The following PFKFB1 variants were observed in gnomAD, a reference collection of about 807,000 sequenced individuals.
PFKFB1 encodes the protein 6-phosphofructo-2-kinase/fructose-2,6-bisphosphatase 1.
Under a neutral mutation model 46.4 loss-of-function variants are expected in PFKFB1, and 34 were observed. The ratio of observed to expected loss-of-function variants is 0.73; its 90% CI spans 0.56 to 0.98. PFKFB1 has a LOEUF of 0.98. PFKFB1 is among the 50% of genes least tolerant of loss of function. PFKFB1 has a pLI of 0.00. For synonymous variants in PFKFB1, 119 were observed against 133.8 expected, an observed-to-expected ratio of 0.89 and a Z score of 0.76; for missense variants, 393 against 376.3, an observed-to-expected ratio of 1.04 and a Z score of -0.37.
chrX:54,980,701 A>G (rs1443820399), intron 1 of PFKFB1, among the ~76,000 whole-genome samples: 2 of 89,889 alleles, frequency 2.2e-5, no homozygotes, highest in African/African-American at 8.6e-5. Flanking sequence ...TGTAGGAAGA[A>G]AAAAAGCCAA....
In PFKFB1 at chrX:54,943,756, AT is replaced by A. The variant is rs1348597645; in HGVS notation, c.1098+1682del. Among the ~76,000 whole-genome samples the A allele has an allele frequency of 1.8e-5, 2 of 109,817 alleles. 1 individual carries two copies. Among genetic ancestry groups the A allele is most frequent in the Non-Finnish European group, 3.8e-5 (2 of 52,647 alleles). On this transcript the variant is annotated intron_variant, in intron 10 of 13. Coordinates refer to ENST00000375006, the MANE Select transcript of PFKFB1 (RefSeq NM_002625.4). Reference sequence around the variant, plus strand: ...AAAGAGCGAGACTCCGTCTCAAAAAATAAATAAATAAATAAATAAATAAAAT... The same window carrying A: ...AAAGAGCGAGACTCCGTCTCAAAAAAAAATAAATAAATAAATAAATAAAAT...
intron 1 of PFKFB1, among the ~76,000 whole-genome samples, chrX:54,971,184 G>A (rs1361338123): frequency 0.014 from 780 of 54,625 alleles, 24 homozygotes; most frequent in African/African-American, 0.055. Flanking sequence ...TGATGGGGTT[G>A]TTTGTTTTTT....
intron 1 of PFKFB1, among the ~76,000 whole-genome samples, chrX:54,977,570 T>C (rs762842479): frequency 9.0e-6 from 1 of 111,570 alleles, no homozygotes; most frequent in East Asian, 2.8e-4. Flanking sequence ...TTAACTCATG[T>C]TTATTTTTAA....
chrX:54,945,282 C>A (rs112172461), intron 10 of PFKFB1, among the ~76,000 whole-genome samples, 157 bp downstream of exon 10: 4,325 of 111,940 alleles, frequency 0.039, 225 homozygotes, highest in African/African-American at 0.13. Flanking sequence ...TCTAAAACAA[C>A]CAAGGGCCAG....
At chrX:54,949,483 G>A (rs937805545) in intron 8 of PFKFB1, among the ~76,000 whole-genome samples, 3 of 110,031 alleles carry the variant, frequency 2.7e-5, no homozygotes, top group African/African-American at 1.0e-4. Context: ...GCTCACCGAA[G>A]CCCCTACTTG....
rs1023176093 is a variant in PFKFB1, at chrX:54,933,082, G to A, written c.*321C>T. On this transcript the variant is annotated 3_prime_UTR_variant, in exon 14 of 14. Transcript: ENST00000375006. ...TCCTCACCCATTCCATGCCCTCACAGCAGCAGAGCTGGGTCAGGATTAGGG... is the reference window on the plus strand; with the variant it reads ...TCCTCACCCATTCCATGCCCTCACAACAGCAGAGCTGGGTCAGGATTAGGG... 4.2e-6 allele frequency: 1 copy of A among 239,482 alleles called. No individual in the cohort carries two copies. The highest frequency in any genetic ancestry group is 7.5e-6 in the Non-Finnish European group (1 of 134,215). The allele number at this position is 239,482 out of a possible 1,213,427, so 19.7% of individuals were successfully genotyped here.
In PFKFB1 at chrX:54,933,076, C is replaced by T. The variant is rs1175129298; in HGVS notation, c.*327G>A. The T allele has an allele frequency of 4.4e-6, 1 of 229,827 alleles. No homozygotes were observed. The highest frequency in any genetic ancestry group is 7.8e-6 in the Non-Finnish European group (1 of 128,952). 18.9% of individuals were successfully genotyped at this position (229,827 alleles called of 1,213,427 possible). On this transcript the variant is annotated 3_prime_UTR_variant, in exon 14 of 14. Transcript: ENST00000375006. ...AGGAAATCCTCACCCATTCCATGCCCTCACAGCAGCAGAGCTGGGTCAGGA... is the reference window on the plus strand; with the variant it reads ...AGGAAATCCTCACCCATTCCATGCCTTCACAGCAGCAGAGCTGGGTCAGGA...
At chrX:54,949,730 G>A (rs1427381039) in intron 8 of PFKFB1, among the ~76,000 whole-genome samples, 1 of 112,319 alleles carries the variant, frequency 8.9e-6, no homozygotes, top group African/African-American at 3.2e-5. Flanking sequence ...GTGTGATATG[G>A]CCTGACCTCA....
chrX:54,953,025 C>A (rs1020890787), intron 7 of PFKFB1, among the ~76,000 whole-genome samples: 1 of 111,591 alleles, frequency 9.0e-6, no homozygotes, highest in Non-Finnish European at 1.9e-5. Context: ...ACTGTTCAAC[C>A]ACCTGTTTGT....
intron 1 of PFKFB1, among the ~76,000 whole-genome samples, chrX:54,976,981 GAGGTCTGAAGGGTTGACT>G (rs1057247610): frequency 9.0e-6 from 1 of 110,646 alleles, no homozygotes; most frequent in Non-Finnish European, 1.9e-5. Context: ...GGGGTTGGGG[GAGGTCTGAAGGGTTGACT>G]ATAATGGGCT....
chrX:54,938,856 C>A (rs1467059749), intron 10 of PFKFB1, among the ~76,000 whole-genome samples: 1 of 111,248 alleles, frequency 9.0e-6, no homozygotes, highest in Non-Finnish European at 1.9e-5. Flanking sequence ...ACAAGGATAT[C>A]CAGGAATTGA....
At chrX:54,968,704 A>G (rs1934549314) in intron 1 of PFKFB1, among the ~76,000 whole-genome samples, 1 of 111,405 alleles carries the variant, frequency 9.0e-6, no homozygotes, top group South Asian at 3.7e-4. Flanking sequence ...AAATCCTTCT[A>G]TAAATATTAC....
chrX:54,970,402 A>C (rs1046820136), intron 1 of PFKFB1, among the ~76,000 whole-genome samples: 1 of 106,337 alleles, frequency 9.4e-6, no homozygotes, highest in African/African-American at 3.4e-5. Context: ...TTAGTTACAT[A>C]TGTATACATG....
upstream of PFKFB1, among the ~76,000 whole-genome samples, chrX:54,997,761 C>T (rs1447553898): frequency 8.9e-6 from 1 of 111,987 alleles, no homozygotes; most frequent in East Asian, 2.8e-4. Flanking sequence ...CCACTATTTT[C>T]GGCCTCATGC....
intron 2 of PFKFB1, among the ~76,000 whole-genome samples, 155 bp downstream of exon 2, chrX:54,963,102 A>G (rs746174499): frequency 1.8e-5 from 2 of 112,198 alleles, no homozygotes; most frequent in African/African-American, 3.2e-5. Flanking sequence ...TATAAAATGT[A>G]TAAGAATGTA....
chrX:54,992,022 T>G (rs905783259), intron 1 of PFKFB1, among the ~76,000 whole-genome samples: 4 of 111,791 alleles, frequency 3.6e-5, no homozygotes, highest in Non-Finnish European at 7.5e-5. Flanking sequence ...TAGCAAGAAG[T>G]GAACCAGACA....
chrX:54,959,851 G>A lies in PFKFB1; in HGVS notation c.360C>T (p.Leu120=). 1 of 1,207,729 alleles carries A rather than the reference G, an allele frequency of 8.3e-7. No individual in the cohort carries two copies. Among genetic ancestry groups the A allele is most frequent in the South Asian group, 1.8e-5 (1 of 56,617 alleles). ...LAALKDVHNY[L]SHEEGHVAVF... ...CCGCAACATGACCTTCCTCATGGCT[G>A]AGATAGTTGTGAACATCCTTCAGGG... Residue 120 remains leucine, a synonymous_variant, in exon 4 of 14, where the codon CTC becomes CTT. Transcript: ENST00000375006.
chrX:54,937,727 A>G lies in PFKFB1; in HGVS notation c.1099-3T>C. 1 of 1,205,726 alleles carries G rather than the reference A, an allele frequency of 8.3e-7. No homozygotes were observed. Among genetic ancestry groups the G allele is most frequent in the Non-Finnish European group, 1.1e-6 (1 of 891,277 alleles). On this transcript the variant is annotated splice_region_variant and splice_polypyrimidine_tract_variant and intron_variant, in intron 10 of 13. Transcript: ENST00000375006. ...CGCTGAACCAGATCCTCATAGGACT[A>G]AACGTAAGAGAGATACTTGAGTGAG...
chrX:54,970,781 A>C (rs1305714534), intron 1 of PFKFB1, among the ~76,000 whole-genome samples: 10 of 6,851 alleles, frequency 1.5e-3, no homozygotes, highest in Middle Eastern at 0.021. Context: ...ATTGTGAATA[A>C]TGCCGCAATA....
Sources: gnomAD v4.1 joint callset for allele counts (sites outside exome capture counted in the v4.1 genomes callset) on GRCh38, gnomAD v4.1.1 for gene constraint, MANE v1.5 for transcripts, NCBI Gene and HGNC (gene_info 2026-07-23, HGNC 2026-07-21) for gene names.